CTNNA1: variants seen among roughly 807,000 people sequenced by gnomAD.
CTNNA1 encodes catenin alpha-1.
CTNNA1 carries 37 observed loss-of-function variants against 98.4 expected under a neutral mutation model. That is an observed-to-expected ratio of 0.38 (90% confidence interval 0.29 to 0.49). The LOEUF (loss-of-function observed/expected upper bound fraction) is 0.49, where lower values mean the gene tolerates loss of function less well. CTNNA1 is among the 20% of genes least tolerant of loss of function. The pLI is 0.95. For missense variants in CTNNA1, 761 were observed against 1,147.2 expected, an observed-to-expected ratio of 0.66 and a Z score of 4.86; for synonymous variants, 404 against 413.2, an observed-to-expected ratio of 0.98 and a Z score of 0.27.
intron 14 of CTNNA1, among the ~76,000 whole-genome samples, chr5:138,929,752 A>G (rs1764909166): frequency 6.6e-6 from 1 of 152,260 alleles, no homozygotes; most frequent in African/African-American, 2.4e-5. Flanking sequence ...GGTACATTCA[A>G]GAAAGCCAGT....
At chr5:138,918,059 A>C (rs528271437) in intron 11 of CTNNA1, among the ~76,000 whole-genome samples, 161 bp downstream of exon 11, 60 of 152,372 alleles carry the variant, frequency 3.9e-4, no homozygotes, top group African/African-American at 1.3e-3. Flanking sequence ...TATCAGCTAC[A>C]GGGTTTTCAA....
chr5:138,829,144 A>G (rs1761014813), intron 7 of CTNNA1, among the ~76,000 whole-genome samples: 1 of 152,214 alleles, frequency 6.6e-6, no homozygotes, highest in South Asian at 2.1e-4. Context: ...TGTTTTGATT[A>G]TAGGCAGTCT....
At chr5:138,899,850 T>C (rs1425231693) in intron 9 of CTNNA1, among the ~76,000 whole-genome samples, 1 of 152,252 alleles carries the variant, frequency 6.6e-6, no homozygotes, top group Non-Finnish European at 1.5e-5. Flanking sequence ...CTGTATACCA[T>C]AAAATTAACC....
rs1258165471 is a variant in CTNNA1, at chr5:138,929,328, A to T, written c.1982A>T (p.Asp661Val). The T allele has an allele frequency of 2.5e-6, 4 of 1,607,276 alleles. No individual in the cohort carries two copies. The South Asian group carries it at 4.4e-5, about 18-fold the overall frequency. The change falls in exon 14 of 18, where the codon GAT becomes GTT. Residue 661 changes from aspartate to valine, a missense_variant. Transcript: ENST00000302763. Reference protein sequence around the residue: ...RSRTSVQTEDDQLIAGQSARA... With the variant: ...RSRTSVQTEDVQLIAGQSARA... ...AGGACGAGCGTCCAGACAGAAGACG[A>T]TCAGCTGATAGCTGGCCAGAGTGCC...
chr5:138,839,357 C>T (rs1052255912), intron 7 of CTNNA1, among the ~76,000 whole-genome samples: 5 of 151,972 alleles, frequency 3.3e-5, no homozygotes, highest in Non-Finnish European at 5.9e-5. Flanking sequence ...CCCGCCATCA[C>T]GCCTGGCTAA....
intron 7 of CTNNA1, among the ~76,000 whole-genome samples, chr5:138,858,859 A>G (rs1177582852): frequency 6.6e-6 from 1 of 152,162 alleles, no homozygotes; most frequent in East Asian, 1.9e-4. Context: ...TCGGCCTCCC[A>G]GGGTGCTGGG....
intron 3 of CTNNA1, among the ~76,000 whole-genome samples, chr5:138,785,687 A>G (rs1755621050): frequency 6.6e-6 from 1 of 152,100 alleles, no homozygotes; most frequent in African/African-American, 2.4e-5. Flanking sequence ...CAGCTTCCCA[A>G]GTAGCTGGGA....
intron 10 of CTNNA1, among the ~76,000 whole-genome samples, chr5:138,909,553 G>A (rs1216107071): frequency 6.6e-6 from 1 of 151,958 alleles, no homozygotes; most frequent in Non-Finnish European, 1.5e-5. Flanking sequence ...TGCCCAGGCT[G>A]GTCTCAAACT....
intron 7 of CTNNA1, among the ~76,000 whole-genome samples, chr5:138,838,738 G>T (rs141057198): frequency 8.8e-4 from 134 of 152,146 alleles, no homozygotes; most frequent in African/African-American, 3.2e-3. Context: ...GTCTGCATCC[G>T]ATAAATTCTG....
chr5:138,821,922 A>G (rs1760087761), intron 5 of CTNNA1, among the ~76,000 whole-genome samples: 1 of 152,178 alleles, frequency 6.6e-6, no homozygotes, highest in Non-Finnish European at 1.5e-5. Context: ...TATTCTTATT[A>G]CAGTAAATAG....
chr5:138,822,186 A>G (rs1760114486), intron 5 of CTNNA1, among the ~76,000 whole-genome samples: 1 of 152,244 alleles, frequency 6.6e-6, no homozygotes, highest in South Asian at 2.1e-4. Flanking sequence ...CAGCTGTTTA[A>G]GCATAATGGT....
At chr5:138,768,245 A>G (rs528539602) in intron 1 of CTNNA1, among the ~76,000 whole-genome samples, 1 of 152,232 alleles carries the variant, frequency 6.6e-6, no homozygotes, top group African/African-American at 2.4e-5. Context: ...GATTTGTCAA[A>G]TAGGTGTGAT....
At chr5:138,769,514 G>A (rs1753293118) in intron 1 of CTNNA1, among the ~76,000 whole-genome samples, 1 of 151,002 alleles carries the variant, frequency 6.6e-6, no homozygotes, top group African/African-American at 2.4e-5. Context: ...TCAGCCTCCC[G>A]ATATTTTTAT....
At chr5:138,825,482 G>GTTTTTTTTTTTTTT (rs756586452) in intron 6 of CTNNA1, among the ~76,000 whole-genome samples, 12,483 of 73,444 alleles carry the variant, frequency 0.17, 3,328 homozygotes, top group East Asian at 0.29. Context: ...AGCAGTATAA[G>GTTTTTTTTTTTTTT]TTTTTTTTTT....
intron 10 of CTNNA1, among the ~76,000 whole-genome samples, chr5:138,907,835 C>T (rs1168806169): frequency 6.6e-6 from 1 of 152,182 alleles, no homozygotes. Context: ...TTTTATGCCT[C>T]ATGCCCAGGC....
At chr5:138,887,403 G>C (rs1754308641) in intron 8 of CTNNA1, 87 bp from the exon 9 acceptor site, 1 of 968,464 alleles carries the variant, frequency 1.0e-6, no homozygotes, top group Non-Finnish European at 1.5e-6. Flanking sequence ...AGCTTCATTA[G>C]ATTTAAGTGT....
intron 7 of CTNNA1, among the ~76,000 whole-genome samples, chr5:138,829,034 A>G (rs1038720518): frequency 9.2e-5 from 14 of 152,164 alleles, no homozygotes; most frequent in Admixed American, 2.6e-4. Context: ...AGGCGGAAGA[A>G]TCGCTTAAGC....
chr5:138,826,476 G>A (rs1760733724), intron 6 of CTNNA1, among the ~76,000 whole-genome samples: 1 of 152,168 alleles, frequency 6.6e-6, no homozygotes, highest in Non-Finnish European at 1.5e-5. Flanking sequence ...GCTTACTTGT[G>A]ACCAGACCTC....
At chr5:138,811,488 G>C (rs1269840100) in intron 4 of CTNNA1, among the ~76,000 whole-genome samples, 3 of 125,188 alleles carry the variant, frequency 2.4e-5, no homozygotes, top group African/African-American at 9.3e-5. Context: ...GGCCAGGGCA[G>C]AGACGCTCCT....
Sources: allele counts gnomAD v4.1 joint callset (sites outside exome capture counted in the v4.1 genomes callset), GRCh38; gene constraint gnomAD v4.1.1; transcripts MANE v1.5; gene names NCBI Gene and HGNC (gene_info 2026-07-23, HGNC 2026-07-21).